Variants in GNPTAB observed in about 807,000 individuals in gnomAD.
GNPTAB encodes N-acetylglucosamine-1-phosphate transferase subunits alpha and beta, also known as N-acetylglucosamine-1-phosphotransferase subunits alpha/beta.
Under a neutral mutation model 136.6 loss-of-function variants are expected in GNPTAB, and 92 were observed. The ratio of observed to expected loss-of-function variants is 0.67; its 90% CI spans 0.57 to 0.80. GNPTAB has a LOEUF of 0.80. GNPTAB is among the 30% of genes least tolerant of loss of function. The pLI is 0.00. For missense variants in GNPTAB, 1,343 were observed against 1,501.8 expected (o/e 0.89, Z 1.75); for synonymous variants, 512 against 535.1 (o/e 0.96, Z 0.60).
chr12:101,748,348 G>T (rs1192353173), intron 20 of GNPTAB, among the ~76,000 whole-genome samples: 2 of 152,196 alleles, frequency 1.3e-5, no homozygotes, highest in African/African-American at 4.8e-5. Context: ...AGCTAGAAAA[G>T]CTCCACTCAA....
At chr12:101,815,425 T>C (rs1594258004) in intron 1 of GNPTAB, among the ~76,000 whole-genome samples, 1 of 152,162 alleles carries the variant, frequency 6.6e-6, no homozygotes, top group South Asian at 2.1e-4. Context: ...ATAAAGAGAC[T>C]TGTCCAAAGC....
chr12:101,825,509 A>G (rs930586958), intron 1 of GNPTAB, among the ~76,000 whole-genome samples: 1 of 152,220 alleles, frequency 6.6e-6, no homozygotes, highest in African/African-American at 2.4e-5. Context: ...TCATGCATCC[A>G]TCAAGTATTT....
chr12:101,747,496 G>T (rs1262494523), intron 20 of GNPTAB, among the ~76,000 whole-genome samples: 2 of 152,152 alleles, frequency 1.3e-5, no homozygotes, highest in African/African-American at 4.8e-5. Context: ...TTCGGCCCAT[G>T]CTTCATTTTT....
At chr12:101,790,346 C>T (rs568159831) in intron 2 of GNPTAB, among the ~76,000 whole-genome samples, 3 of 152,210 alleles carry the variant, frequency 2.0e-5, no homozygotes, top group South Asian at 4.1e-4. Flanking sequence ...AAAGATTGTT[C>T]GTGGGTGAAG....
In GNPTAB at chr12:101,820,838, A is replaced by G. The variant is rs146808765; in HGVS notation, c.117+9721T>C. Among the ~76,000 whole-genome samples, 437 of 152,182 alleles carry G rather than the reference A, an allele frequency of 2.9e-3. 4 individuals carry two copies. Among genetic ancestry groups the G allele is most frequent in the Non-Finnish European group, 4.9e-3 (332 of 67,998 alleles). ...TTTGGGAGGCCGAGGTGGGTGGATCACCTGAGGTCAGGAGTTCAAGACCAG... is the reference window on the plus strand; with the variant it reads ...TTTGGGAGGCCGAGGTGGGTGGATCGCCTGAGGTCAGGAGTTCAAGACCAG... On this transcript the variant is annotated intron_variant, in intron 1 of 20. Transcript: ENST00000299314.
intron 7 of GNPTAB, 80 bp downstream of exon 7, chr12:101,780,072 A>C: frequency 3.0e-6 from 4 of 1,353,682 alleles, no homozygotes; most frequent in Non-Finnish European, 4.2e-6. Flanking sequence ...ACTTTGGGGG[A>C]AAAAAATGGA....
At chr12:101,820,777 G>C (rs1188725913) in intron 1 of GNPTAB, among the ~76,000 whole-genome samples, 1 of 152,200 alleles carries the variant, frequency 6.6e-6, no homozygotes, top group Non-Finnish European at 1.5e-5. Flanking sequence ...GCATCTCCCA[G>C]CTGGGCACAG....
At chr12:101,756,507 G>C (rs1232725611) in intron 18 of GNPTAB, 1 of 388,366 alleles carries the variant, frequency 2.6e-6, no homozygotes, top group South Asian at 1.8e-5. Flanking sequence ...CCACGAGGTC[G>C]AGGCTACAGT....
chr12:101,817,602 T>C (rs1158865650), intron 1 of GNPTAB, among the ~76,000 whole-genome samples: 2 of 152,066 alleles, frequency 1.3e-5, no homozygotes, highest in African/African-American at 4.8e-5. Flanking sequence ...TATAAAAATA[T>C]CACATGTACT....
chr12:101,811,606 AG>A (rs947898238), intron 1 of GNPTAB, among the ~76,000 whole-genome samples: 16 of 151,260 alleles, frequency 1.1e-4, no homozygotes, highest in African/African-American at 3.9e-4. Flanking sequence ...CCGGAGAAGG[AG>A]GAAGAGAGCA....
intron 2 of GNPTAB, among the ~76,000 whole-genome samples, chr12:101,790,957 G>C (rs1052929782): frequency 1.1e-4 from 17 of 150,996 alleles, no homozygotes; most frequent in Non-Finnish European, 5.9e-5. Context: ...TTAATTATGT[G>C]TGGCCCTCTC....
chr12:101,825,184 G>T (rs1262395251), intron 1 of GNPTAB, among the ~76,000 whole-genome samples: 1 of 152,070 alleles, frequency 6.6e-6, no homozygotes, highest in Non-Finnish European at 1.5e-5. Context: ...ATACATCTTG[G>T]CCTCATCTCA....
At position 101,780,178 on chromosome 12, in the gene GNPTAB, C is replaced by G; in HGVS notation, c.745G>C (p.Glu249Gln). 1 of 1,613,854 alleles carries G rather than the reference C, an allele frequency of 6.2e-7. No homozygotes were observed. The highest frequency in any genetic ancestry group is 8.5e-7 in the Non-Finnish European group (1 of 1,179,778). Residue 249 changes from glutamate to glutamine, a missense_variant, in exon 7 of 21, where the codon GAA becomes CAA. By Grantham distance (29) the Glu-to-Gln change is conservative. Coordinates refer to ENST00000299314, the MANE Select transcript of GNPTAB (RefSeq NM_024312.5). ...AGTTTGACTTTAGAGGAAAGATTTT[C>G]TGGCAATTTTGTTTTTAGTTGATTT... ...ETNQLKTKLP[E>Q]NLSSKVKLLQ...
intron 1 of GNPTAB, among the ~76,000 whole-genome samples, chr12:101,818,480 T>G (rs1422193845): frequency 6.6e-6 from 1 of 150,854 alleles, no homozygotes; most frequent in Non-Finnish European, 1.5e-5. Flanking sequence ...CAGATTCAAG[T>G]GATTCTCCTG....
At chr12:101,789,862 T>C (rs1230086780) in intron 3 of GNPTAB, 76 bp downstream of exon 3, 9 of 1,331,276 alleles carry the variant, frequency 6.8e-6, no homozygotes, top group African/African-American at 1.4e-5. Context: ...CATGCTCATA[T>C]GTGAGATGTG....
chr12:101,764,827 AG>A lies in GNPTAB; in HGVS notation c.2089del (p.Leu697TrpfsTer2). On this transcript the variant is annotated frameshift_variant, in exon 13 of 21. Coordinates refer to ENST00000299314, the MANE Select transcript of GNPTAB (RefSeq NM_024312.5). LOFTEE classifies it high-confidence loss of function. ...TTTTGGAAGGAGTGAAATATTTACCAGGGGAATTTTCACCTCTTCCTGGGCT... is the reference window on the plus strand; with the variant it reads ...TTTTGGAAGGAGTGAAATATTTACCAGGGAATTTTCACCTCTTCCTGGGCT... ...RRAQEEVKIP[L>X]VNISLLPKDA... is the part of the protein sequence containing the mutation. 1 of 1,614,152 alleles carries A rather than the reference AG, an allele frequency of 6.2e-7. No individual in the cohort carries two copies. The highest frequency in any genetic ancestry group is 8.5e-7 in the Non-Finnish European group (1 of 1,179,986).
intron 1 of GNPTAB, among the ~76,000 whole-genome samples, chr12:101,826,246 C>A (rs1013931711): frequency 1.3e-5 from 2 of 152,100 alleles, no homozygotes; most frequent in Non-Finnish European, 2.9e-5. Flanking sequence ...CCATTCATTA[C>A]GAGTAGATTC....
intron 13 of GNPTAB, 84 bp downstream of exon 13, chr12:101,764,118 A>G: frequency 6.3e-7 from 1 of 1,581,604 alleles, no homozygotes; most frequent in Non-Finnish European, 8.7e-7. Flanking sequence ...GGAAGTGCTG[A>G]ATAAATGGTA....
Position 101,765,304 on chromosome 12 carries a change from T to C in GNPTAB, c.1613A>G (p.Asp538Gly), listed in dbSNP as rs755857665. 4 of 1,595,986 alleles carry C rather than the reference T, an allele frequency of 2.5e-6. No individual in the cohort carries two copies. The highest frequency in any genetic ancestry group is 3.4e-6 in the Non-Finnish European group (4 of 1,164,054). Residue 538 changes from aspartate (D) to glycine (G), a missense_variant and splice_region_variant, in exon 13 of 21, where the codon GAT becomes GGT. Coordinates refer to ENST00000299314, the MANE Select transcript of GNPTAB (RefSeq NM_024312.5). ...CGFDAGDCGQDHFHELYKVIL... is the reference protein window; with the variant it reads ...CGFDAGDCGQGHFHELYKVIL... ...CACTTTATACAATTCATGAAAATGATCTAGAGGAAAAAACAGAAACATGAT... is the reference window on the plus strand; with the variant it reads ...CACTTTATACAATTCATGAAAATGACCTAGAGGAAAAAACAGAAACATGAT...
Sources: gnomAD v4.1 joint callset for allele counts (sites outside exome capture counted in the v4.1 genomes callset) on GRCh38, gnomAD v4.1.1 for gene constraint, MANE v1.5 for transcripts, NCBI Gene and HGNC (gene_info 2026-07-23, HGNC 2026-07-21) for gene names.